The following PSMA2 variants were observed in gnomAD, a reference collection of about 807,000 sequenced individuals.
The protein encoded by PSMA2 is proteasome subunit alpha type-2.
A neutral mutation model predicts 35.9 loss-of-function variants in PSMA2; 2 were observed. The observed-to-expected ratio is 0.06, with a 90% confidence interval of 0.02 to 0.18. The LOEUF (loss-of-function observed/expected upper bound fraction) is 0.18, where lower values mean the gene tolerates loss of function less well. PSMA2 is among the 10% of genes least tolerant of loss of function. The probability of loss-of-function intolerance (pLI) is 1.00; values close to 1 mark genes in which losing one functional copy is unlikely to be tolerated. For synonymous variants in PSMA2, 97 were observed against 98.2 expected (o/e 0.99, Z 0.07); for missense variants, 126 against 278.8 (o/e 0.45, Z 3.90).
At chr7:42,926,463 GT>G in intron 3 of PSMA2, 72 bp downstream of exon 3, 1 of 1,431,486 alleles carries the variant, frequency 7.0e-7, no homozygotes, top group South Asian at 1.6e-5. Flanking sequence ...AACAACCTTG[GT>G]TTTTCTCCTG....
chr7:42,923,727 T>C (rs987795693), intron 4 of PSMA2, among the ~76,000 whole-genome samples: 2 of 152,246 alleles, frequency 1.3e-5, no homozygotes, highest in Non-Finnish European at 2.9e-5. Context: ...CCACTAGGTT[T>C]ACCTATTACA....
chr7:42,923,836 T>C (rs1786163814), intron 4 of PSMA2, among the ~76,000 whole-genome samples: 2 of 152,066 alleles, frequency 1.3e-5, no homozygotes, highest in African/African-American at 4.8e-5. Flanking sequence ...GTTTACCTAT[T>C]ACAAAATGAC....
intron 3 of PSMA2, among the ~76,000 whole-genome samples, chr7:42,925,255 G>C (rs540211817): frequency 6.8e-4 from 104 of 152,168 alleles, no homozygotes; most frequent in Non-Finnish European, 9.3e-4. Flanking sequence ...TTAAGAAACA[G>C]TAAGAAACTA....
intron 1 of PSMA2, 105 bp downstream of exon 1, chr7:42,932,013 G>T: frequency 7.0e-7 from 1 of 1,435,996 alleles, no homozygotes; most frequent in Non-Finnish European, 9.8e-7. Context: ...ATTCCCTACT[G>T]GACCCTCCAG....
At chr7:42,931,964 G>A (rs958189120) in intron 1 of PSMA2, among the ~76,000 whole-genome samples, 154 bp downstream of exon 1, 35 of 152,050 alleles carry the variant, frequency 2.3e-4, no homozygotes, top group Admixed American at 1.6e-3. Flanking sequence ...TCCCGGGTCG[G>A]CCTGGCAAAT....
chr7:42,924,209 T>G (rs1440420708), intron 4 of PSMA2, among the ~76,000 whole-genome samples: 1 of 144,770 alleles, frequency 6.9e-6, no homozygotes, highest in African/African-American at 2.6e-5. Context: ...AAAAAAAAAT[T>G]AGCTAAGCAT....
At chr7:42,921,393 A>AT (rs1786127344) in intron 6 of PSMA2, 1 of 152,394 alleles carries the variant, frequency 6.6e-6, no homozygotes, top group Non-Finnish European at 1.5e-5. Context: ...GCACCGACAG[A>AT]TTTTTACATA....
intron 3 of PSMA2, 133 bp downstream of exon 3, chr7:42,926,403 T>C: frequency 9.4e-7 from 1 of 1,066,570 alleles, no homozygotes. Context: ...ACGAGGCTGC[T>C]ATTGCTAAAC....
chr7:42,925,854 A>T (rs1311216468), intron 3 of PSMA2, among the ~76,000 whole-genome samples: 1 of 152,214 alleles, frequency 6.6e-6, no homozygotes, highest in Non-Finnish European at 1.5e-5. Flanking sequence ...GCGTTGATTC[A>T]CTGAAGTGAA....
At chr7:42,919,393 C>A in intron 6 of PSMA2, 1 of 564,722 alleles carries the variant, frequency 1.8e-6, no homozygotes, top group Non-Finnish European at 3.5e-6. Flanking sequence ...TATTTGTTAA[C>A]CAGGGGACAG....
Position 42,924,738 on chromosome 7 carries a change from G to T in PSMA2, c.311C>A (p.Pro104His), listed in dbSNP as rs1306897229. The T allele has an allele frequency of 1.2e-6, 2 of 1,613,340 alleles. No homozygotes were observed. Among genetic ancestry groups the T allele is most frequent in the Non-Finnish European group, 1.7e-6 (2 of 1,179,508 alleles). ...AQQYYLVYQE[P>H]IPTAQLVQRV... ...CTGTACCAGCTGAGCTGTAGGAATG[G>T]GTTCTTGGTACACAAGATAGTATTG... Residue 104 changes from proline (P) to histidine (H), a missense_variant, in exon 4 of 8, where the codon CCC becomes CAC. Pro to His is a moderately conservative substitution (Grantham distance 77). Around this residue, in one of 3 missense-constraint regions of PSMA2, gnomAD observed 78 missense variants for 151.1 expected, o/e 0.52. Coordinates refer to ENST00000223321, the MANE Select transcript of PSMA2 (RefSeq NM_002787.5).
chr7:42,918,969 G>A (rs375889791), intron 6 of PSMA2: 228 of 205,192 alleles, frequency 1.1e-3, no homozygotes, highest in African/African-American at 5.0e-3. Flanking sequence ...GATTACAGGC[G>A]CGCGCTATCA....
Position 42,924,709 on chromosome 7 carries a change from C to T in PSMA2, c.340G>A (p.Val114Ile). The change falls in exon 4 of 8, where the codon GTA becomes ATA. Residue 114 changes from valine (V) to isoleucine (I), a missense_variant. Around this residue, in one of 3 missense-constraint regions of PSMA2, gnomAD observed 78 missense variants for 151.1 expected, o/e 0.52. Coordinates refer to ENST00000223321, the MANE Select transcript of PSMA2 (RefSeq NM_002787.5). ...PIPTAQLVQR[V>I]ASVMQEYTQS... Reference sequence around the variant, plus strand: ...GTATATTCTTGCATCACAGAAGCTACTCTCTGTACCAGCTGAGCTGTAGGA... The same window carrying T: ...GTATATTCTTGCATCACAGAAGCTATTCTCTGTACCAGCTGAGCTGTAGGA... 1 of 1,613,148 alleles carries T rather than the reference C, an allele frequency of 6.2e-7. No individual in the cohort carries two copies. The highest frequency in any genetic ancestry group is 8.5e-7 in the Non-Finnish European group (1 of 1,179,346).
At chr7:42,918,068 G>T in intron 6 of PSMA2, 1 of 227,710 alleles carries the variant, frequency 4.4e-6, no homozygotes, top group Non-Finnish European at 7.4e-6. Context: ...GTTTAGTTTA[G>T]GAAACTTTTT....
chr7:42,919,289 T>C (rs1786087062), intron 6 of PSMA2: 2 of 613,162 alleles, frequency 3.3e-6, no homozygotes, highest in Non-Finnish European at 6.4e-6. Flanking sequence ...GCTGCAGATT[T>C]CACAAAGTGT....
chr7:42,922,771 T>C (rs1786145210), intron 5 of PSMA2, among the ~76,000 whole-genome samples: 1 of 152,222 alleles, frequency 6.6e-6, no homozygotes, highest in South Asian at 2.1e-4. Context: ...ATCTTGAATT[T>C]TGTCTTAAGG....
chr7:42,917,953 TAC>T, intron 6 of PSMA2, 118 bp from the exon 7 acceptor site: 1 of 692,238 alleles, frequency 1.4e-6, no homozygotes, highest in Non-Finnish European at 2.3e-6. Flanking sequence ...AATACTAAAT[TAC>T]ACATTCTTTT....
chr7:42,924,567 G>T, intron 4 of PSMA2, 108 bp downstream of exon 4: 1 of 1,131,230 alleles, frequency 8.8e-7, no homozygotes, highest in Non-Finnish European at 1.2e-6. Context: ...CTGTCCACTT[G>T]TTAAGCAAAT....
chr7:42,925,542 G>A (rs650786), intron 3 of PSMA2, among the ~76,000 whole-genome samples: 128,103 of 152,220 alleles, frequency 0.84, 54,156 homozygotes, highest in South Asian at 0.91. Context: ...TTTCTCCAGT[G>A]CAGTTTAAAA....
Sources: allele counts gnomAD v4.1 joint callset (sites outside exome capture counted in the v4.1 genomes callset), GRCh38; gene constraint gnomAD v4.1.1; regional missense constraint gnomAD v4.1.1; transcripts MANE v1.5; gene names NCBI Gene and HGNC (gene_info 2026-07-23, HGNC 2026-07-21).